The following GPR158 variants were observed in gnomAD, a reference collection of about 807,000 sequenced individuals.
The protein encoded by GPR158 is G protein-coupled receptor 158, also known as metabotropic glycine receptor.
GPR158 carries 30 observed loss-of-function variants against 78.2 expected under a neutral mutation model. That is an observed-to-expected ratio of 0.38 (90% CI 0.29 to 0.52). GPR158 has a LOEUF of 0.52. Ranked by LOEUF, GPR158 falls within the 20% of genes least tolerant of loss-of-function variation. The probability of loss-of-function intolerance (pLI) is 0.83; values close to 1 mark genes in which losing one functional copy is unlikely to be tolerated. For missense variants in GPR158, 1,463 were observed against 1,523.5 expected (o/e 0.96, Z 0.66); for synonymous variants, 581 against 591.1 (o/e 0.98, Z 0.25).
chr10:25,404,035 T>TGTA (rs1416835010), intron 3 of GPR158, among the ~76,000 whole-genome samples: 2 of 152,118 alleles, frequency 1.3e-5, no homozygotes, highest in Non-Finnish European at 2.9e-5. Context: ...CTTCTTATTA[T>TGTA]GTAGTAGTAG....
At chr10:25,352,841 T>C (rs1855493989) in intron 2 of GPR158, among the ~76,000 whole-genome samples, 1 of 152,080 alleles carries the variant, frequency 6.6e-6, no homozygotes, top group South Asian at 2.1e-4. Context: ...ACTCTGTATG[T>C]TATTTTCCTA....
chr10:25,247,107 G>C (rs1054919205), intron 2 of GPR158, among the ~76,000 whole-genome samples: 6 of 152,086 alleles, frequency 3.9e-5, no homozygotes, highest in Admixed American at 2.6e-4. Context: ...ATTCATTTCA[G>C]CACTAGCTGG....
At chr10:25,251,066 A>T (rs1853790202) in intron 2 of GPR158, among the ~76,000 whole-genome samples, 1 of 152,060 alleles carries the variant, frequency 6.6e-6, no homozygotes. Context: ...ACCATTATCT[A>T]ATGGCCTTCT....
At chr10:25,199,445 C>G (rs1033162640) in intron 1 of GPR158, among the ~76,000 whole-genome samples, 1 of 152,098 alleles carries the variant, frequency 6.6e-6, no homozygotes, top group Non-Finnish European at 1.5e-5. Context: ...TTAATGGCCT[C>G]CAGCTCCATC....
chr10:25,411,617 T>G (rs1228098776), intron 3 of GPR158, among the ~76,000 whole-genome samples: 1 of 151,900 alleles, frequency 6.6e-6, no homozygotes, highest in African/African-American at 2.4e-5. Flanking sequence ...TGCTTTTCAG[T>G]TGGTGAGTGG....
chr10:25,503,291 T>C (rs1017014125), intron 5 of GPR158, among the ~76,000 whole-genome samples: 2 of 152,054 alleles, frequency 1.3e-5, no homozygotes. Context: ...CTGGGAAGAT[T>C]GCTTGAGTCC....
intron 2 of GPR158, among the ~76,000 whole-genome samples, chr10:25,274,888 A>G (rs1854163231): frequency 6.6e-6 from 1 of 152,196 alleles, no homozygotes; most frequent in Admixed American, 6.5e-5. Context: ...TGTGTGTGCT[A>G]AGAAGTGAAG....
intron 4 of GPR158, among the ~76,000 whole-genome samples, chr10:25,421,408 A>G (rs1346212546): frequency 2.0e-5 from 3 of 152,206 alleles, no homozygotes; most frequent in Admixed American, 6.5e-5. Flanking sequence ...AAAATACATA[A>G]TACATAAAAG....
intron 2 of GPR158, among the ~76,000 whole-genome samples, chr10:25,258,260 T>A (rs1329767904): frequency 6.6e-6 from 1 of 152,208 alleles, no homozygotes; most frequent in Admixed American, 6.5e-5. Context: ...CATTCACTTA[T>A]TCATTTGTTT....
chr10:25,275,131 A>C (rs1037007175), intron 2 of GPR158, among the ~76,000 whole-genome samples: 2 of 152,194 alleles, frequency 1.3e-5, no homozygotes, highest in African/African-American at 4.8e-5. Flanking sequence ...CTCCTTAAAA[A>C]GTTTCCAGAA....
intron 2 of GPR158, among the ~76,000 whole-genome samples, chr10:25,344,608 G>T (rs1485314964): frequency 6.6e-6 from 1 of 151,926 alleles, no homozygotes; most frequent in Non-Finnish European, 1.5e-5. Flanking sequence ...AAATACTGAA[G>T]TCTAAACATG....
intron 3 of GPR158, among the ~76,000 whole-genome samples, chr10:25,398,112 G>A (rs1834391127): frequency 6.6e-6 from 1 of 152,178 alleles, no homozygotes; most frequent in Non-Finnish European, 1.5e-5. Flanking sequence ...AGAGGACCGT[G>A]AGCTCCAGAT....
intron 2 of GPR158, among the ~76,000 whole-genome samples, chr10:25,223,824 A>G (rs993113943): frequency 1.3e-5 from 2 of 152,190 alleles, no homozygotes; most frequent in Non-Finnish European, 2.9e-5. Context: ...AGTGGGTTTT[A>G]TCTTGCTAAT....
chr10:25,176,690 C>G lies in GPR158; in HGVS notation c.902+368C>G, dbSNP rs1007849069. Among the ~76,000 whole-genome samples the G allele has an allele frequency of 6.6e-6, 1 of 152,238 alleles. No homozygotes were observed. Among genetic ancestry groups the G allele is most frequent in the East Asian group, 1.9e-4 (1 of 5,182 alleles). On this transcript the variant is annotated intron_variant, in intron 1 of 10. Transcript: ENST00000376351. This position sits in a 1 kb window ranked among gnomAD's most constrained non-coding sequence, Gnocchi z 6.3. Reference sequence around the variant, plus strand: ...ACCGGGGGGCGATGCGACAACTTGGCGAGCGCCGGGTGTGTCCGCGGAGTG... The same window carrying G: ...ACCGGGGGGCGATGCGACAACTTGGGGAGCGCCGGGTGTGTCCGCGGAGTG...
chr10:25,442,245 C>G (rs1442441615), intron 4 of GPR158, among the ~76,000 whole-genome samples: 1 of 151,940 alleles, frequency 6.6e-6, no homozygotes, highest in South Asian at 2.1e-4. Flanking sequence ...AATAAGCAAA[C>G]TGAGACATGC....
At chr10:25,356,672 C>G (rs1387391134) in intron 2 of GPR158, among the ~76,000 whole-genome samples, 1 of 152,098 alleles carries the variant, frequency 6.6e-6, no homozygotes, top group Non-Finnish European at 1.5e-5. Context: ...CTCATCCTTG[C>G]CTTCTGCCAT....
chr10:25,232,569 T>G (rs1054314699), intron 2 of GPR158, among the ~76,000 whole-genome samples: 1 of 152,194 alleles, frequency 6.6e-6, no homozygotes, highest in Non-Finnish European at 1.5e-5. Context: ...TCCCACCTTC[T>G]TATTTTGTTG....
chr10:25,587,901 A>G (rs1837291810), intron 7 of GPR158, among the ~76,000 whole-genome samples: 1 of 152,246 alleles, frequency 6.6e-6, no homozygotes, highest in South Asian at 2.1e-4. Context: ...TTGAGTGGAC[A>G]TCAATGTTTC....
chr10:25,292,847 A>C (rs1854459748), intron 2 of GPR158, among the ~76,000 whole-genome samples: 1 of 152,174 alleles, frequency 6.6e-6, no homozygotes, highest in Admixed American at 6.5e-5. Context: ...ATTATTTGCT[A>C]CCAAAGACAC....
Sources: gnomAD v4.1 joint callset for allele counts (sites outside exome capture counted in the v4.1 genomes callset) on GRCh38, gnomAD v4.1.1 for gene constraint, Gnocchi (gnomAD v3.1) non-coding constraint, MANE v1.5 for transcripts, NCBI Gene and HGNC (gene_info 2026-07-23, HGNC 2026-07-21) for gene names.